Variants in JAKMIP1 observed in about 807,000 individuals in gnomAD.
JAKMIP1 encodes janus kinase and microtubule-interacting protein 1.
Under a neutral mutation model 113.0 loss-of-function variants are expected in JAKMIP1, and 33 were observed. The observed-to-expected ratio is 0.29, with a 90% CI of 0.22 to 0.39. JAKMIP1 has a LOEUF of 0.39. Among genes scored for constraint, JAKMIP1 ranks in the 10% least tolerant of loss-of-function variants. The pLI is 1.00. For synonymous variants in JAKMIP1, 480 were observed against 459.9 expected (o/e 1.04, Z -0.56); for missense variants, 813 against 1,080.5 (o/e 0.75, Z 3.47).
At chr4:6,177,881 C>T (rs1242030956) in intron 1 of JAKMIP1, among the ~76,000 whole-genome samples, 1 of 152,212 alleles carries the variant, frequency 6.6e-6, no homozygotes, top group African/African-American at 2.4e-5. Context: ...AACTCCTCTT[C>T]CCCAGCCCCA....
In JAKMIP1 at chr4:6,097,266, G is replaced by C. The variant is rs1252042047; in HGVS notation, c.624+8207C>G. Among the ~76,000 whole-genome samples, 3 of 152,114 alleles carry C rather than the reference G, an allele frequency of 2.0e-5. No individual in the cohort carries two copies. The highest frequency in any genetic ancestry group is 4.4e-5 in the Non-Finnish European group (3 of 68,010). Reference sequence around the variant, plus strand: ...CCCACCTCAGCCTCCTGATGTATTGGGATTACAGTCATGAGCCATCTCGCC... The same window carrying C: ...CCCACCTCAGCCTCCTGATGTATTGCGATTACAGTCATGAGCCATCTCGCC... On this transcript the variant is annotated intron_variant, in intron 3 of 20. Transcript: ENST00000409021. This position sits in a 1 kb window ranked among gnomAD's most constrained non-coding sequence, Gnocchi z 4.3.
intron 1 of JAKMIP1, among the ~76,000 whole-genome samples, chr4:6,124,483 G>A (rs1578305883): frequency 6.6e-6 from 1 of 152,082 alleles, no homozygotes; most frequent in South Asian, 2.1e-4. Flanking sequence ...GTTCTCAGAG[G>A]TGTCCCCTAC....
At chr4:6,120,074 TG>T (rs1716475642) in intron 1 of JAKMIP1, among the ~76,000 whole-genome samples, 1 of 152,080 alleles carries the variant, frequency 6.6e-6, no homozygotes, top group South Asian at 2.1e-4. Context: ...AAAAATTACG[TG>T]GAAATCCCAG....
At position 6,122,776 on chromosome 4, in the gene JAKMIP1, G is replaced by A. The variant is rs577082361; in HGVS notation, c.-147-9779C>T. Among the ~76,000 whole-genome samples, 104 of 152,256 alleles carry A rather than the reference G, an allele frequency of 6.8e-4. 1 individual carries two copies. The highest frequency in any genetic ancestry group is 2.2e-3 in the African/African-American group (93 of 41,548). On this transcript the variant is annotated intron_variant, in intron 1 of 20. Transcript: ENST00000409021. ...GGGGGATGTGGAGGGCGAGAGCACG[G>A]GCTCAGGAGCCAGAGTGACTGGGTG... is the stretch of plus-strand genomic sequence containing the variant.
chr4:6,095,752 G>C lies in JAKMIP1; in HGVS notation c.624+9721C>G, dbSNP rs532244159. 2.6e-5 allele frequency among the ~76,000 whole-genome samples: 4 copies of C among 152,272 alleles called. No individual in the cohort carries two copies. The East Asian group carries it at 7.7e-4, about 29-fold the overall frequency. ...GTGGAATTAGCACACTAAAGGGCAG[G>C]AGCGTGCATAAAGCTGTTGTTTGCA... is the stretch of plus-strand genomic sequence containing the variant. On this transcript the variant is annotated intron_variant, in intron 3 of 20. Coordinates refer to ENST00000409021, the MANE Select transcript of JAKMIP1 (RefSeq NM_001099433.2).
chr4:6,114,532 G>A (rs111704825), intron 1 of JAKMIP1, among the ~76,000 whole-genome samples: 4 of 152,266 alleles, frequency 2.6e-5, no homozygotes, highest in African/African-American at 7.2e-5. Context: ...GAAGTCAGGC[G>A]GGACCTGCTA....
intron 8 of JAKMIP1, chr4:6,070,198 C>T (rs1481052134): frequency 4.8e-5 from 19 of 398,376 alleles, no homozygotes; most frequent in South Asian, 1.3e-4. Flanking sequence ...AGCCCCTGTG[C>T]GTGGGCTTAG....
intron 1 of JAKMIP1, among the ~76,000 whole-genome samples, chr4:6,177,214 T>C (rs1339495158): frequency 6.6e-6 from 1 of 152,122 alleles, no homozygotes; most frequent in Non-Finnish European, 1.5e-5. Flanking sequence ...AATATTGATG[T>C]AGAGAAGAAG....
chr4:6,086,967 A>C lies in JAKMIP1; in HGVS notation c.625-1338T>G, dbSNP rs1180865629. ...CACAGCCTTAGGGGGAAGTGTGGGC[A>C]TGCAGACACCTTGATTTCAATCTCC... On this transcript the variant is annotated intron_variant, in intron 3 of 20. Coordinates refer to ENST00000409021, the MANE Select transcript of JAKMIP1 (RefSeq NM_001099433.2). This position sits in a 1 kb window ranked among gnomAD's most constrained non-coding sequence, Gnocchi z 4.1. Among the ~76,000 whole-genome samples the C allele has an allele frequency of 6.6e-6, 1 of 152,148 alleles. No homozygotes were observed. Among genetic ancestry groups the C allele is most frequent in the Non-Finnish European group, 1.5e-5 (1 of 68,026 alleles).
chr4:6,055,266 A>C (rs1423213469), intron 12 of JAKMIP1, among the ~76,000 whole-genome samples: 1 of 152,184 alleles, frequency 6.6e-6, no homozygotes, highest in Non-Finnish European at 1.5e-5. Flanking sequence ...GGGGGACTGC[A>C]CATGGGCAGG....
chr4:6,029,617 G>A (rs1402147798), intron 20 of JAKMIP1, 99 bp downstream of exon 20: 2 of 788,340 alleles, frequency 2.5e-6, no homozygotes, highest in African/African-American at 3.4e-5. Flanking sequence ...AGGAGGGCTG[G>A]AGACAGAGTC....
rs1372174458 is a variant in JAKMIP1 at position 6,135,984 on chromosome 4, A to G, written c.-147-22987T>C. 6.6e-6 allele frequency among the ~76,000 whole-genome samples: 1 copy of G among 152,130 alleles called. No individual in the cohort carries two copies. The highest frequency in any genetic ancestry group is 1.5e-5 in the Non-Finnish European group (1 of 68,018). On this transcript the variant is annotated intron_variant, in intron 1 of 20. Transcript: ENST00000409021. This position sits in a 1 kb window ranked among gnomAD's most constrained non-coding sequence, Gnocchi z 4.9. Reference sequence around the variant, plus strand: ...ACCGAGGCTGGGCACAGTGGCTCACACCTGTAATCCCAGCACTTTGAGAGG... The same window carrying G: ...ACCGAGGCTGGGCACAGTGGCTCACGCCTGTAATCCCAGCACTTTGAGAGG...
intron 1 of JAKMIP1, among the ~76,000 whole-genome samples, chr4:6,190,202 TGGG>T (rs35029408): frequency 2.6e-5 from 4 of 151,764 alleles, no homozygotes; most frequent in Non-Finnish European, 5.9e-5. Flanking sequence ...GAGCAGGCCA[TGGG>T]GGGGGCTGCA....
rs1716924520 is a variant in JAKMIP1, at chr4:6,059,290, T to C, written c.1644+1134A>G. On this transcript the variant is annotated intron_variant, in intron 11 of 20. Transcript: ENST00000409021. The surrounding 1 kb of genome is among the most constrained non-coding windows in gnomAD (Gnocchi z 4.8). Reference sequence around the variant, plus strand: ...GCTGGTCGCTGGCCGTCCGCCTCCATGGGAACCTCAGTCTCAACCCCGAGC... The same window carrying C: ...GCTGGTCGCTGGCCGTCCGCCTCCACGGGAACCTCAGTCTCAACCCCGAGC... Among the ~76,000 whole-genome samples, 1 of 152,188 alleles carries C rather than the reference T, an allele frequency of 6.6e-6. No homozygotes were observed. Among genetic ancestry groups the C allele is most frequent in the Non-Finnish European group, 1.5e-5 (1 of 68,034 alleles).
intron 1 of JAKMIP1, among the ~76,000 whole-genome samples, chr4:6,126,431 A>G (rs1449667616): frequency 6.6e-6 from 1 of 151,500 alleles, no homozygotes; most frequent in East Asian, 1.9e-4. Flanking sequence ...AAACACACAC[A>G]CACAAACACA....
At chr4:6,102,383 GA>G (rs1713190500) in intron 3 of JAKMIP1, among the ~76,000 whole-genome samples, 1 of 152,160 alleles carries the variant, frequency 6.6e-6, no homozygotes, top group African/African-American at 2.4e-5. Flanking sequence ...ATGAAGTCAT[GA>G]GGGCAAAGCC....
In JAKMIP1 at chr4:6,061,026, G is replaced by A. The variant is rs116010847; in HGVS notation, c.1561-519C>T. Among the ~76,000 whole-genome samples the A allele has an allele frequency of 2.6e-3, 397 of 152,312 alleles. 3 individuals carry two copies. Among genetic ancestry groups the A allele is most frequent in the African/African-American group, 8.9e-3 (371 of 41,580 alleles). On this transcript the variant is annotated intron_variant, in intron 10 of 20. Transcript: ENST00000409021. This position sits in a 1 kb window ranked among gnomAD's most constrained non-coding sequence, Gnocchi z 5.3. The stretch of plus-strand genomic sequence containing the variant: ...TAAATAAGGGAAGTCAACTGGGTGT[G>A]GGGTAACAGGGAGTGGTGGGGACTG...
intron 3 of JAKMIP1, among the ~76,000 whole-genome samples, chr4:6,095,008 T>C (rs1415339591): frequency 9.6e-6 from 1 of 104,264 alleles, no homozygotes; most frequent in African/African-American, 3.9e-5. Context: ...AGAAGAAAAA[T>C]AAAAAGGAAG....
intron 3 of JAKMIP1, among the ~76,000 whole-genome samples, chr4:6,095,208 T>C (rs758649750): frequency 8.9e-5 from 9 of 100,832 alleles, no homozygotes; most frequent in Admixed American, 2.8e-4. Flanking sequence ...AGGAGGGAAA[T>C]AGAAGAAAGA....
Sources: allele counts gnomAD v4.1 joint callset (sites outside exome capture counted in the v4.1 genomes callset), GRCh38; gene constraint gnomAD v4.1.1; non-coding constraint Gnocchi (gnomAD v3.1); transcripts MANE v1.5; gene names NCBI Gene and HGNC (gene_info 2026-07-23, HGNC 2026-07-21).